Variants in CHRM3 observed in about 807,000 individuals in gnomAD.
The protein encoded by CHRM3 is muscarinic acetylcholine receptor M3.
Under a neutral mutation model 41.8 loss-of-function variants are expected in CHRM3, and 11 were observed. The ratio of observed to expected loss-of-function variants is 0.26; its 90% CI spans 0.17 to 0.44. The LOEUF is 0.44. CHRM3 is among the 20% of genes least tolerant of loss of function. The pLI, the probability that CHRM3 is intolerant of heterozygous loss-of-function variation, is 1.00. For missense variants in CHRM3, 571 were observed against 745.4 expected, an observed-to-expected ratio of 0.77 and a Z score of 2.72; for synonymous variants, 297 against 301.4, an observed-to-expected ratio of 0.99 and a Z score of 0.15.
intron 1 of CHRM3, among the ~76,000 whole-genome samples, chr1:239,417,641 A>G (rs1180370129): frequency 7.2e-6 from 1 of 139,270 alleles, no homozygotes; most frequent in East Asian, 2.1e-4. Flanking sequence ...ACGGATTTAG[A>G]GTATGATTAG....
intron 3 of CHRM3, among the ~76,000 whole-genome samples, chr1:239,580,827 T>C (rs1266409648): frequency 6.6e-6 from 1 of 150,936 alleles, no homozygotes; most frequent in Non-Finnish European, 1.5e-5. Flanking sequence ...CTTGTGTGAT[T>C]TTTACATGCA....
chr1:239,559,583 G>A (rs948810646), intron 3 of CHRM3, among the ~76,000 whole-genome samples: 1 of 152,136 alleles, frequency 6.6e-6, no homozygotes, highest in African/African-American at 2.4e-5. Context: ...AAGTTAGGAC[G>A]AATTTCAAGA....
At chr1:239,821,682 T>C (rs1279319060) in intron 5 of CHRM3, among the ~76,000 whole-genome samples, 1 of 152,222 alleles carries the variant, frequency 6.6e-6, no homozygotes, top group Non-Finnish European at 1.5e-5. Flanking sequence ...AGTTTAAATT[T>C]AGCTGGAACA....
At chr1:239,447,165 A>G (rs1664209456) in intron 1 of CHRM3, among the ~76,000 whole-genome samples, 1 of 152,162 alleles carries the variant, frequency 6.6e-6, no homozygotes, top group African/African-American at 2.4e-5. Flanking sequence ...ATATTCACCA[A>G]AGTATTTCAT....
chr1:239,677,641 C>A (rs902345142), intron 4 of CHRM3, among the ~76,000 whole-genome samples: 3 of 152,168 alleles, frequency 2.0e-5, no homozygotes, highest in African/African-American at 7.2e-5. Flanking sequence ...ACACAGTCAA[C>A]GTTTTGTACA....
chr1:239,409,472 G>C (rs975986309), intron 1 of CHRM3, among the ~76,000 whole-genome samples: 16 of 152,266 alleles, frequency 1.1e-4, no homozygotes, highest in Middle Eastern at 3.4e-3. Flanking sequence ...CAGGGCGCGG[G>C]ATCTCAGTTT....
At chr1:239,601,717 C>T (rs568190691) in intron 3 of CHRM3, among the ~76,000 whole-genome samples, 51 of 152,188 alleles carry the variant, frequency 3.4e-4, no homozygotes, top group Non-Finnish European at 6.2e-4. Context: ...GCTCAACAAA[C>T]GGATAAATGG....
At chr1:239,769,246 G>A (rs1011296416) in intron 5 of CHRM3, among the ~76,000 whole-genome samples, 1 of 152,156 alleles carries the variant, frequency 6.6e-6, no homozygotes, top group Non-Finnish European at 1.5e-5. Flanking sequence ...TGCTGTGCCC[G>A]CCACCGGCCT....
intron 4 of CHRM3, among the ~76,000 whole-genome samples, chr1:239,666,208 CG>C (rs1553357897): frequency 6.7e-6 from 1 of 148,268 alleles, no homozygotes; most frequent in Non-Finnish European, 1.5e-5. Flanking sequence ...TTTTTTTTGG[CG>C]GGGGGGATGG....
chr1:239,578,196 A>C (rs535104455), intron 3 of CHRM3, among the ~76,000 whole-genome samples: 22 of 152,296 alleles, frequency 1.4e-4, no homozygotes, highest in Admixed American at 5.2e-4. Context: ...CAGTTTTGAT[A>C]ATTTATAACT....
rs760020909 is a variant in CHRM3 at position 239,908,777 on chromosome 1, C to A, written c.1326C>A (p.Asp442Glu). The part of the protein sequence containing the change: ...ESAVDTAKTS[D>E]VNSSVGKSTA... ...CCGTGGACACAGCTAAGACTTCTGA[C>A]GTCAACTCCTCAGTGGGTAAGAGCA... The change falls in exon 7 of 7, where the codon GAC (aspartate) becomes GAA (glutamate). Residue 442 changes from aspartate to glutamate, a missense_variant. By Grantham distance (45) the Asp-to-Glu change is conservative (BLOSUM62 2). Around this residue, in one of 5 missense-constraint regions of CHRM3, gnomAD observed 239 missense variants for 239.6 expected, o/e 1.00. Coordinates refer to ENST00000676153, the MANE Select transcript of CHRM3 (RefSeq NM_001375978.1). This position sits in a 1 kb window ranked among gnomAD's most constrained non-coding sequence, Gnocchi z 7.2. The A allele has an allele frequency of 1.9e-6, 3 of 1,614,100 alleles. No individual in the cohort carries two copies. Among genetic ancestry groups the A allele is most frequent in the South Asian group, 1.1e-5 (1 of 91,078 alleles).
intron 2 of CHRM3, among the ~76,000 whole-genome samples, chr1:239,504,154 A>G (rs1407393585): frequency 6.6e-6 from 1 of 152,184 alleles, no homozygotes; most frequent in Non-Finnish European, 1.5e-5. Flanking sequence ...TTTGTAATCT[A>G]TACATCTGAC....
At chr1:239,863,615 G>A (rs1290887047) in intron 6 of CHRM3, among the ~76,000 whole-genome samples, 2 of 152,140 alleles carry the variant, frequency 1.3e-5, no homozygotes, top group East Asian at 3.9e-4. Context: ...GAGGCACCAG[G>A]CTTAGAAGAT....
intron 1 of CHRM3, among the ~76,000 whole-genome samples, chr1:239,404,084 C>T (rs980426290): frequency 2.0e-5 from 3 of 146,434 alleles, no homozygotes; most frequent in South Asian, 2.2e-4. Flanking sequence ...ATCACGAGAT[C>T]GAGACCATCC....
At chr1:239,399,163 A>G (rs1659746494) in intron 1 of CHRM3, among the ~76,000 whole-genome samples, 1 of 152,196 alleles carries the variant, frequency 6.6e-6, no homozygotes, top group Non-Finnish European at 1.5e-5. Context: ...ATAATGAATT[A>G]TAAGGCTTCA....
chr1:239,709,753 C>T lies in CHRM3; in HGVS notation c.-147+31465C>T, dbSNP rs548754903. The stretch of plus-strand genomic sequence containing the variant: ...TCTAGACATTTATTTTAAGTTGGGA[C>T]GTTCCACTTAAGTAGCTAAATTTGA... On this transcript the variant is annotated intron_variant, in intron 5 of 6. Transcript: ENST00000676153. 2.1e-4 allele frequency among the ~76,000 whole-genome samples: 32 copies of T among 152,178 alleles called. No homozygotes were observed. In the South Asian group the frequency reaches 5.6e-3, roughly 27 times the overall value.
At chr1:239,818,061 C>T (rs1039747527) in intron 5 of CHRM3, among the ~76,000 whole-genome samples, 9 of 152,146 alleles carry the variant, frequency 5.9e-5, no homozygotes, top group South Asian at 4.1e-4. Flanking sequence ...GCGGCTTAAA[C>T]GAAGGACATT....
intron 4 of CHRM3, among the ~76,000 whole-genome samples, chr1:239,636,996 G>A (rs1012863323): frequency 2.0e-5 from 3 of 152,142 alleles, no homozygotes; most frequent in African/African-American, 7.2e-5. Flanking sequence ...TTTTGTGAAA[G>A]AAGTTCAGTT....
At chr1:239,518,845 A>T (rs1171388348) in intron 2 of CHRM3, among the ~76,000 whole-genome samples, 2 of 152,232 alleles carry the variant, frequency 1.3e-5, no homozygotes, top group African/African-American at 4.8e-5. Flanking sequence ...GTCTATATTT[A>T]ATACAAAGAC....
Sources: allele counts gnomAD v4.1 joint callset (sites outside exome capture counted in the v4.1 genomes callset), GRCh38; gene constraint gnomAD v4.1.1; regional missense constraint gnomAD v4.1.1; non-coding constraint Gnocchi (gnomAD v3.1); transcripts MANE v1.5; gene names NCBI Gene and HGNC (gene_info 2026-07-23, HGNC 2026-07-21).